The following RPAP2 variants were observed in gnomAD, a reference collection of about 807,000 sequenced individuals.
The protein encoded by RPAP2 is putative RNA polymerase II subunit B1 CTD phosphatase RPAP2.
A neutral mutation model predicts 73.1 loss-of-function variants in RPAP2; 52 were observed. The observed-to-expected ratio is 0.71, with a 90% CI of 0.57 to 0.90. RPAP2 has a LOEUF of 0.90. RPAP2 is among the 40% of genes least tolerant of loss of function. RPAP2 has a pLI of 0.00. For missense variants in RPAP2, 598 were observed against 701.8 expected (o/e 0.85, Z 1.67); for synonymous variants, 225 against 242.1 (o/e 0.93, Z 0.65).
At chr1:92,303,956 A>G (rs758884999) in intron 3 of RPAP2, 21 bp from the exon 4 acceptor site, 1 of 1,504,996 alleles carries the variant, frequency 6.6e-7, no homozygotes, top group Non-Finnish European at 9.1e-7. Flanking sequence ...AGGAGGAAAT[A>G]ACCCTCTCAT....
chr1:92,353,609 A>T (rs980115652), intron 11 of RPAP2, among the ~76,000 whole-genome samples: 2 of 152,214 alleles, frequency 1.3e-5, no homozygotes, highest in Non-Finnish European at 2.9e-5. Context: ...ATTCCTCAGT[A>T]TCCATAAAAT....
At chr1:92,328,211 G>C (rs1348738910) in intron 8 of RPAP2, among the ~76,000 whole-genome samples, 1 of 152,084 alleles carries the variant, frequency 6.6e-6, no homozygotes, top group Non-Finnish European at 1.5e-5. Context: ...CTCTAGCAAG[G>C]CTGGAGAAGT....
At chr1:92,362,862 T>C (rs781340357) in intron 11 of RPAP2, among the ~76,000 whole-genome samples, 31 of 152,176 alleles carry the variant, frequency 2.0e-4, no homozygotes, top group Non-Finnish European at 3.5e-4. Context: ...AGGTTATAAC[T>C]AGTATTATTC....
chr1:92,324,306 G>A lies in RPAP2; in HGVS notation c.1386G>A (p.Arg462=), dbSNP rs779516614. The change falls in exon 8 of 13, where the codon AGG becomes AGA. Residue 462 remains arginine (R), a synonymous_variant. Transcript: ENST00000610020. The part of the protein sequence containing the change: ...LKKETEKLNL[R]IREFYRGRYV... The stretch of plus-strand genomic sequence containing the variant: ...AAGAAACTGAAAAGTTAAATCTGAG[G>A]ATCAGGGAGTTTTACAGAGGACGGT... 2 of 1,614,032 alleles carry A rather than the reference G, an allele frequency of 1.2e-6. No individual in the cohort carries two copies. Among genetic ancestry groups the A allele is most frequent in the Non-Finnish European group, 1.7e-6 (2 of 1,179,990 alleles).
intron 8 of RPAP2, 135 bp downstream of exon 8, chr1:92,324,510 T>C: frequency 1.4e-6 from 1 of 717,236 alleles, no homozygotes; most frequent in South Asian, 2.1e-5. Context: ...ATTCTGCCTT[T>C]TGGTTTACAG....
chr1:92,363,143 T>G (rs188326677), intron 11 of RPAP2, among the ~76,000 whole-genome samples: 1 of 152,238 alleles, frequency 6.6e-6, no homozygotes, highest in East Asian at 1.9e-4. Context: ...CATCTCAAGT[T>G]AAGATAAGGA....
chr1:92,336,437 T>A lies in RPAP2; in HGVS notation c.1619+10T>A. The A allele has an allele frequency of 1.3e-6, 2 of 1,517,972 alleles. No individual in the cohort carries two copies. Among genetic ancestry groups the A allele is most frequent in the Non-Finnish European group, 9.1e-7 (1 of 1,094,602 alleles). 94.0% of individuals were successfully genotyped at this position (1,517,972 alleles called of 1,614,324 possible). On this transcript the variant is annotated intron_variant, in intron 10 of 12. Transcript: ENST00000610020. ...TTGTTCGAACTTTCAGGTTAGTGTT[T>A]ATATTACAATTATCCTTCTCAATTA...
intron 8 of RPAP2, among the ~76,000 whole-genome samples, chr1:92,331,119 T>G (rs1177310226): frequency 6.6e-6 from 1 of 152,220 alleles, no homozygotes; most frequent in Non-Finnish European, 1.5e-5. Context: ...AAATTTTACT[T>G]TTTGAGACCA....
chr1:92,304,943 C>A (rs1651098382), intron 5 of RPAP2, among the ~76,000 whole-genome samples: 1 of 151,816 alleles, frequency 6.6e-6, no homozygotes, highest in Non-Finnish European at 1.5e-5. Context: ...TGGAGGCCAG[C>A]CTGGGCAACG....
At chr1:92,366,222 G>A (rs1007371077) in intron 11 of RPAP2, among the ~76,000 whole-genome samples, 1 of 152,146 alleles carries the variant, frequency 6.6e-6, no homozygotes, top group Non-Finnish European at 1.5e-5. Context: ...AGGATTGCTT[G>A]AGCCCAGGAG....
chr1:92,357,201 T>C (rs1229019464), intron 11 of RPAP2, among the ~76,000 whole-genome samples: 1 of 152,122 alleles, frequency 6.6e-6, no homozygotes, highest in Non-Finnish European at 1.5e-5. Context: ...AACAAATCCC[T>C]TTCCCTCAAA....
chr1:92,363,284 A>C (rs1355812770), intron 11 of RPAP2, among the ~76,000 whole-genome samples: 3 of 152,202 alleles, frequency 2.0e-5, no homozygotes, highest in Non-Finnish European at 4.4e-5. Flanking sequence ...GAGCCAATAA[A>C]GAAAAATAAT....
At chr1:92,375,906 C>T (rs903971706) in intron 11 of RPAP2, among the ~76,000 whole-genome samples, 1 of 145,252 alleles carries the variant, frequency 6.9e-6, no homozygotes. Context: ...AAGCAGAGGC[C>T]CAAAAACCGC....
intron 7 of RPAP2, among the ~76,000 whole-genome samples, chr1:92,322,925 T>A (rs1652373961): frequency 6.8e-6 from 1 of 147,734 alleles, no homozygotes; most frequent in Non-Finnish European, 1.5e-5. Flanking sequence ...TTTTTTAAAC[T>A]ACATATATAC....
intron 11 of RPAP2, among the ~76,000 whole-genome samples, chr1:92,358,712 C>T (rs528696396): frequency 8.6e-5 from 13 of 152,026 alleles, no homozygotes; most frequent in South Asian, 4.2e-4. Context: ...CTCAGCCTCC[C>T]GTGCAGCTGG....
chr1:92,299,122 C>G lies in RPAP2; in HGVS notation c.49C>G (p.Pro17Ala). 6.6e-7 allele frequency: 1 copy of G among 1,522,368 alleles called. No individual in the cohort carries two copies. Among genetic ancestry groups the G allele is most frequent in the Admixed American group, 2.1e-5 (1 of 48,364 alleles). The allele number at this position is 1,522,368 out of a possible 1,614,324, so 94.3% of individuals were successfully genotyped here. A position where few individuals can be genotyped will look rare whatever the true frequency, so the allele number is the denominator to read the frequency against. Residue 17 changes from proline (P) to alanine (A), a missense_variant, in exon 1 of 13, where the codon CCC (proline) becomes GCC (alanine). Physicochemically the swap from Pro to Ala is conservative, Grantham distance 27. This residue lies in a region of RPAP2 where 77 missense variants were observed against 55.7 expected (regional missense o/e 1.38). Transcript: ENST00000610020. ...PSSAGRKAGA[P>A]RCSRKAAGTK... ...TTCTGCCGGCCGCAAGGCCGGGGCT[C>G]CCCGCTGCTCTCGAAAAGCCGCAGG...
chr1:92,369,873 A>G (rs545381153), intron 11 of RPAP2, among the ~76,000 whole-genome samples: 62 of 152,194 alleles, frequency 4.1e-4, no homozygotes, highest in African/African-American at 1.5e-3. Context: ...GAAAGTAAAC[A>G]TTTTTATTTT....
intron 11 of RPAP2, among the ~76,000 whole-genome samples, chr1:92,348,914 G>C (rs17519833): frequency 0.13 from 20,314 of 152,182 alleles, 1,830 homozygotes; most frequent in Non-Finnish European, 0.2. Flanking sequence ...GCCAGCATTG[G>C]ATAAATAGCC....
At chr1:92,323,343 G>A in intron 7 of RPAP2, 102 bp from the exon 8 acceptor site, 1 of 717,858 alleles carries the variant, frequency 1.4e-6, no homozygotes, top group Non-Finnish European at 2.1e-6. Context: ...TACCTTGAAA[G>A]TTACAATGTA....
Sources: allele counts gnomAD v4.1 joint callset (sites outside exome capture counted in the v4.1 genomes callset), GRCh38; gene constraint gnomAD v4.1.1; regional missense constraint gnomAD v4.1.1; transcripts MANE v1.5; gene names NCBI Gene and HGNC (gene_info 2026-07-23, HGNC 2026-07-21).